NRXN2: variants seen among roughly 807,000 people sequenced by gnomAD.
NRXN2 encodes the protein neurexin-2-beta.
In NRXN2, 29 loss-of-function variants were observed where a neutral mutation model predicts 128.8. That is an observed-to-expected ratio of 0.23 (90% CI 0.17 to 0.31). The LOEUF is 0.31. Ranked by LOEUF, NRXN2 falls within the 10% of genes least tolerant of loss-of-function variation. NRXN2 has a pLI of 1.00. For synonymous variants in NRXN2, 1,098 were observed against 1,075.2 expected, an observed-to-expected ratio of 1.02 and a Z score of -0.41; for missense variants, 1,881 against 2,452.6, an observed-to-expected ratio of 0.77 and a Z score of 4.92.
intron 9 of NRXN2, among the ~76,000 whole-genome samples, chr11:64,663,477 C>A (rs1173331191): frequency 6.6e-6 from 1 of 152,110 alleles, no homozygotes; most frequent in East Asian, 1.9e-4. Context: ...GACCCATGGT[C>A]CTGACTCTAA....
At chr11:64,642,464 G>A (rs2045842716) in intron 17 of NRXN2, 3 of 1,512,230 alleles carry the variant, frequency 2.0e-6, no homozygotes, top group South Asian at 1.3e-5. Context: ...GGCCCGCGGG[G>A]GCCCAGCTGC....
rs749471520 is a variant in NRXN2 at position 64,607,897 on chromosome 11, C to A, written c.4438G>T (p.Glu1480Ter). The A allele has an allele frequency of 3.8e-6, 6 of 1,568,032 alleles. No homozygotes were observed. The East Asian group carries it at 1.2e-4, about 31-fold the overall frequency. Residue 1480 changes from glutamate (E) to a stop codon, truncating the protein, a stop_gained, in exon 23 of 23, where the codon GAG (glutamate) becomes TAG (stop). Coordinates refer to ENST00000265459, the MANE Select transcript of NRXN2 (RefSeq NM_015080.4). LOFTEE classifies it low-confidence loss of function (END_TRUNC). ...TCCTCGCAGTCGCTGTCGTCCCGCT[C>A]GGCCTGGCACGGGCCCCCAGAGGGC... ...RPPSGGPCQA[E>*]RDDSDCEEPI...
intron 1 of NRXN2, among the ~76,000 whole-genome samples, chr11:64,719,445 G>A (rs778343145): frequency 9.9e-5 from 15 of 152,186 alleles, no homozygotes; most frequent in South Asian, 2.1e-4. Context: ...AAGATAAGTC[G>A]GAGTCCCATG....
intron 17 of NRXN2, chr11:64,642,653 C>A: frequency 6.3e-7 from 1 of 1,588,274 alleles, no homozygotes; most frequent in Non-Finnish European, 8.6e-7. Flanking sequence ...GAGACCCGGG[C>A]CCCCTCGGCC....
At chr11:64,627,883 A>G (rs1435925441) in intron 19 of NRXN2, among the ~76,000 whole-genome samples, 1 of 152,066 alleles carries the variant, frequency 6.6e-6, no homozygotes, top group African/African-American at 2.4e-5. Context: ...AGCTGTGCTC[A>G]CCTGCCCAGA....
chr11:64,656,365 T>C (rs2048283789), intron 11 of NRXN2, among the ~76,000 whole-genome samples: 1 of 108,364 alleles, frequency 9.2e-6, no homozygotes, highest in Admixed American at 8.4e-5. Context: ...CTCCGTTTGA[T>C]TCCAAGGGGC....
In NRXN2 at chr11:64,660,333, G is replaced by A. The variant is rs749676949; in HGVS notation, c.2388C>T (p.Leu796=). 9.3e-6 allele frequency: 15 copies of A among 1,613,114 alleles called. No individual in the cohort carries two copies. The highest frequency in any genetic ancestry group is 1.8e-4 in the Middle Eastern group (1 of 5,476). ...GGAAGCACAGGGCAGGGTGGTTACCGAGGTTGACAGTGAGCTTCATCTGCC... is the reference window on the plus strand; with the variant it reads ...GGAAGCACAGGGCAGGGTGGTTACCAAGGTTGACAGTGAGCTTCATCTGCC... ...DGGQMKLTVN[L]DCLRVGCAPS... Residue 796 remains leucine (L), a splice_region_variant and synonymous_variant, in exon 11 of 23, where the codon CTC becomes CTT. Transcript: ENST00000265459. This position sits in a 1 kb window ranked among gnomAD's most constrained non-coding sequence, Gnocchi z 5.2.
intron 1 of NRXN2, among the ~76,000 whole-genome samples, chr11:64,715,626 G>C (rs1414006937): frequency 6.6e-6 from 1 of 152,110 alleles, no homozygotes. Flanking sequence ...ATCTCCAAGA[G>C]GCCGGTAAAG....
At position 64,648,761 on chromosome 11, in the gene NRXN2, T is replaced by C. The variant is rs1413436509; in HGVS notation, c.3256A>G (p.Ile1086Val). 6.2e-7 allele frequency: 1 copy of C among 1,613,920 alleles called. No individual in the cohort carries two copies. Among genetic ancestry groups the C allele is most frequent in the South Asian group, 1.1e-5 (1 of 91,084 alleles). Reference sequence around the variant, plus strand: ...TCACAGCCCCTCTCCACCTGCCCAATGCGGTGCAGGGCGTCGGCGATGAGG... The same window carrying C: ...TCACAGCCCCTCTCCACCTGCCCAACGCGGTGCAGGGCGTCGGCGATGAGG... ...PDLIADALHR[I>V]GQVERGCDGP... The change falls in exon 16 of 23, where the codon ATT becomes GTT. Residue 1086 changes from isoleucine (I) to valine (V), a missense_variant. Ile to Val is a conservative substitution (Grantham distance 29, BLOSUM62 3). This residue lies in a region of NRXN2 where 390 missense variants were observed against 599.6 expected (regional missense o/e 0.65). Transcript: ENST00000265459. The surrounding 1 kb of genome is among the most constrained non-coding windows in gnomAD (Gnocchi z 4.1).
Position 64,635,602 on chromosome 11 carries a change from C to G in NRXN2, c.3404-150G>C. ...CCACAGCAGCCACCAGCCCTGCCACCCCAGGGAGAAGTTGGCAGGCGGGTG... is the reference window on the plus strand; with the variant it reads ...CCACAGCAGCCACCAGCCCTGCCACGCCAGGGAGAAGTTGGCAGGCGGGTG... On this transcript the variant is annotated intron_variant, in intron 17 of 22. Transcript: ENST00000265459. This position sits in a 1 kb window ranked among gnomAD's most constrained non-coding sequence, Gnocchi z 4.8. The G allele has an allele frequency of 1.1e-6, 1 of 897,228 alleles. No homozygotes were observed. The highest frequency in any genetic ancestry group is 1.8e-6 in the Non-Finnish European group (1 of 567,960). The allele number at this position is 897,228 out of a possible 1,614,324, so 55.6% of individuals were successfully genotyped here.
chr11:64,662,462 C>A (rs1213460299), intron 9 of NRXN2, among the ~76,000 whole-genome samples: 1 of 152,042 alleles, frequency 6.6e-6, no homozygotes, highest in Non-Finnish European at 1.5e-5. Context: ...TTCCTCTGTC[C>A]TTTTTCAAGT....
At chr11:64,646,102 C>T (rs532124005) in intron 17 of NRXN2, among the ~76,000 whole-genome samples, 12 of 152,240 alleles carry the variant, frequency 7.9e-5, no homozygotes, top group South Asian at 2.1e-4. Context: ...CCTCCAGGGG[C>T]GGAGATCTCA....
rs566318006 is a variant in NRXN2, at chr11:64,607,169, C to A, written c.*27G>T. 6.2e-7 allele frequency: 1 copy of A among 1,605,524 alleles called. No homozygotes were observed. The highest frequency in any genetic ancestry group is 1.3e-5 in the African/African-American group (1 of 74,866). ...TCCCGGGCCCTCCCAGGAGGGGCAGCTGGCAGTGGGGCGCAGTGCCGGGGG... is the reference window on the plus strand; with the variant it reads ...TCCCGGGCCCTCCCAGGAGGGGCAGATGGCAGTGGGGCGCAGTGCCGGGGG... On this transcript the variant is annotated 3_prime_UTR_variant, in exon 23 of 23. Coordinates refer to ENST00000265459, the MANE Select transcript of NRXN2 (RefSeq NM_015080.4).
intron 22 of NRXN2, among the ~76,000 whole-genome samples, chr11:64,614,877 C>G (rs550141908): frequency 6.6e-6 from 1 of 152,246 alleles, no homozygotes; most frequent in Non-Finnish European, 1.5e-5. Context: ...TCCCAGACAT[C>G]ATGAGCTTTG....
At chr11:64,682,261 A>T (rs1226684551) in intron 6 of NRXN2, among the ~76,000 whole-genome samples, 1 of 143,408 alleles carries the variant, frequency 7.0e-6, no homozygotes, top group Non-Finnish European at 1.5e-5. Context: ...ATCTCTGGGG[A>T]CTCCATCATT....
intron 9 of NRXN2, among the ~76,000 whole-genome samples, chr11:64,662,242 A>T (rs1275282319): frequency 6.6e-6 from 1 of 151,772 alleles, no homozygotes; most frequent in Non-Finnish European, 1.5e-5. Flanking sequence ...TGGGAGACAC[A>T]GCGAGACTCC....
rs953091503 is a variant in NRXN2, at chr11:64,631,196, G to C, written c.3586-623C>G. Among the ~76,000 whole-genome samples, 5 of 152,240 alleles carry C rather than the reference G, an allele frequency of 3.3e-5. No individual in the cohort carries two copies. The highest frequency in any genetic ancestry group is 1.9e-4 in the East Asian group (1 of 5,182). On this transcript the variant is annotated intron_variant, in intron 18 of 22. Transcript: ENST00000265459. The surrounding 1 kb of genome is among the most constrained non-coding windows in gnomAD (Gnocchi z 4.8). ...CTCTGCAGCCATGGGGGTGGAGGTG[G>C]GGGGTGTGGACTGTGTGTATGGTGG...
chr11:64,690,399 A>T lies in NRXN2; in HGVS notation c.850+6T>A. ...GGGCTCTCTGGGGACCATGGGGGTCACTGACCTTTTGTTGGCTGGTGCACA... is the reference window on the plus strand; with the variant it reads ...GGGCTCTCTGGGGACCATGGGGGTCTCTGACCTTTTGTTGGCTGGTGCACA... On this transcript the variant is annotated splice_donor_region_variant and intron_variant, in intron 5 of 22. Coordinates refer to ENST00000265459, the MANE Select transcript of NRXN2 (RefSeq NM_015080.4). 6.2e-7 allele frequency: 1 copy of T among 1,611,728 alleles called. No homozygotes were observed.
chr11:64,694,367 G>C (rs751904592), intron 3 of NRXN2, among the ~76,000 whole-genome samples: 1 of 152,240 alleles, frequency 6.6e-6, no homozygotes, highest in Non-Finnish European at 1.5e-5. Context: ...AGAGTTACAA[G>C]TATTTCTGAG....
Sources: gnomAD v4.1 joint callset for allele counts (sites outside exome capture counted in the v4.1 genomes callset) on GRCh38, gnomAD v4.1.1 for gene constraint, gnomAD v4.1.1 regional missense constraint, Gnocchi (gnomAD v3.1) non-coding constraint, MANE v1.5 for transcripts, NCBI Gene and HGNC (gene_info 2026-07-23, HGNC 2026-07-21) for gene names.